The following STAG1 variants were observed in gnomAD, a reference collection of about 807,000 sequenced individuals.
STAG1 encodes STAG1 cohesin complex component.
STAG1 carries 26 observed loss-of-function variants against 170.9 expected under a neutral mutation model. The ratio of observed to expected loss-of-function variants is 0.15; its 90% CI spans 0.11 to 0.21. The LOEUF (loss-of-function observed/expected upper bound fraction) is 0.21. Among genes scored for constraint, STAG1 ranks in the 10% least tolerant of loss-of-function variants. The probability of loss-of-function intolerance (pLI) is 1.00; values close to 1 mark genes in which losing one functional copy is unlikely to be tolerated. For synonymous variants in STAG1, 514 were observed against 497.7 expected (o/e 1.03, Z -0.44); for missense variants, 964 against 1,509.5 (o/e 0.64, Z 5.99).
chr3:136,535,308 T>C (rs1199965206), intron 6 of STAG1, among the ~76,000 whole-genome samples: 1 of 152,218 alleles, frequency 6.6e-6, no homozygotes, highest in Non-Finnish European at 1.5e-5. Flanking sequence ...AAATAAGTTC[T>C]AATGTTCGAT....
chr3:136,736,435 C>T, intron 1 of STAG1: 1 of 1,202,682 alleles, frequency 8.3e-7, no homozygotes, highest in Admixed American at 1.7e-5. Context: ...AGAATGAGTC[C>T]TTCGAAGCAG....
At chr3:136,738,389 G>T (rs1934469036) in intron 1 of STAG1, among the ~76,000 whole-genome samples, 1 of 152,216 alleles carries the variant, frequency 6.6e-6, no homozygotes. Flanking sequence ...TACTTAGGAG[G>T]CTGACGAAGT....
At chr3:136,405,258 T>TTTTTTTTTTTTC (rs1560091864) in intron 21 of STAG1, among the ~76,000 whole-genome samples, 1 of 115,614 alleles carries the variant, frequency 8.6e-6, no homozygotes, top group African/African-American at 3.4e-5. Flanking sequence ...TTTTTTTTTT[T>TTTTTTTTTTTTC]TCAGACGAAG....
intron 26 of STAG1, among the ~76,000 whole-genome samples, chr3:136,360,216 G>A (rs1034710049): frequency 1.5e-4 from 23 of 152,242 alleles, no homozygotes; most frequent in Admixed American, 1.2e-3. Context: ...GTTATGAGGG[G>A]TGAACTGTCC....
chr3:136,444,018 T>C (rs901441040), intron 14 of STAG1, among the ~76,000 whole-genome samples: 2 of 152,046 alleles, frequency 1.3e-5, no homozygotes, highest in East Asian at 3.9e-4. Context: ...AAGGTCTTCA[T>C]CAAACACTTC....
intron 4 of STAG1, among the ~76,000 whole-genome samples, chr3:136,584,095 C>T (rs1424434422): frequency 3.3e-5 from 5 of 152,150 alleles, no homozygotes; most frequent in Non-Finnish European, 7.4e-5. Context: ...TTTAAATGAC[C>T]ATGTAATCTG....
intron 1 of STAG1, among the ~76,000 whole-genome samples, chr3:136,653,486 A>G (rs1038646761): frequency 1.3e-5 from 2 of 152,102 alleles, no homozygotes; most frequent in Admixed American, 6.6e-5. Context: ...ATTTTTTTCT[A>G]ATTTTTTAAC....
At position 136,376,983 on chromosome 3, in the gene STAG1, C is replaced by T. The variant is rs1172220096; in HGVS notation, c.2370+677G>A. Among the ~76,000 whole-genome samples, 10 of 151,278 alleles carry T rather than the reference C, an allele frequency of 6.6e-5. No homozygotes were observed. In the South Asian group the frequency reaches 1.3e-3, roughly 19 times the overall value. On this transcript the variant is annotated intron_variant, in intron 23 of 33. Coordinates refer to ENST00000383202, the MANE Select transcript of STAG1 (RefSeq NM_005862.3). ...TTTTTTTTTGTATTTTTAGTACAGA[C>T]GGGGTTGACAGTCTCGATCTCTTGA...
At chr3:136,587,168 T>TAA (rs758067073) in intron 4 of STAG1, among the ~76,000 whole-genome samples, 3 of 143,786 alleles carry the variant, frequency 2.1e-5, no homozygotes, top group African/African-American at 7.6e-5. Context: ...CTAATTATGT[T>TAA]AAAAAAAAAA....
intron 2 of STAG1, among the ~76,000 whole-genome samples, chr3:136,626,459 T>C (rs562421491): frequency 6.6e-6 from 1 of 150,468 alleles, no homozygotes; most frequent in Non-Finnish European, 1.5e-5. Context: ...CAAAAAACCA[T>C]ACAGTATATA....
At chr3:136,439,917 C>A (rs1174882736) in intron 15 of STAG1, among the ~76,000 whole-genome samples, 1 of 152,136 alleles carries the variant, frequency 6.6e-6, no homozygotes, top group Non-Finnish European at 1.5e-5. Context: ...CCAAGCCAAA[C>A]CAACCTTCTG....
chr3:136,663,553 T>C (rs1476242397), intron 1 of STAG1, among the ~76,000 whole-genome samples: 1 of 152,126 alleles, frequency 6.6e-6, no homozygotes, highest in East Asian at 1.9e-4. Flanking sequence ...AGCAATCATG[T>C]TTTCATCATT....
At chr3:136,733,375 C>T (rs1413864984) in intron 1 of STAG1, among the ~76,000 whole-genome samples, 1 of 152,042 alleles carries the variant, frequency 6.6e-6, no homozygotes, top group Non-Finnish European at 1.5e-5. Context: ...CATGAGCTAC[C>T]GTGCCTGGCC....
intron 9 of STAG1, among the ~76,000 whole-genome samples, chr3:136,497,099 T>A (rs1377878133): frequency 3.3e-5 from 5 of 151,856 alleles, no homozygotes; most frequent in Admixed American, 1.3e-4. Flanking sequence ...TGGAGAAAAT[T>A]CATACTTAAA....
At chr3:136,427,901 A>C (rs951081069) in intron 16 of STAG1, among the ~76,000 whole-genome samples, 1 of 152,210 alleles carries the variant, frequency 6.6e-6, no homozygotes, top group Non-Finnish European at 1.5e-5. Flanking sequence ...AAGCCAGCAA[A>C]GGATAGTTTG....
chr3:136,367,960 T>C (rs1004159609), intron 24 of STAG1, among the ~76,000 whole-genome samples: 1 of 152,204 alleles, frequency 6.6e-6, no homozygotes, highest in South Asian at 2.1e-4. Context: ...TCCCGTGTCC[T>C]GGCCTGTCCT....
intron 16 of STAG1, among the ~76,000 whole-genome samples, 200 bp from the exon 17 acceptor site, chr3:136,423,244 G>A (rs1194788634): frequency 3.9e-5 from 6 of 152,008 alleles, no homozygotes; most frequent in Admixed American, 2.0e-4. Context: ...AAGTCTGGGC[G>A]AATTACTATT....
intron 20 of STAG1, among the ~76,000 whole-genome samples, chr3:136,418,739 T>G (rs2087857398): frequency 1.3e-5 from 2 of 151,934 alleles, no homozygotes; most frequent in Admixed American, 1.3e-4. Flanking sequence ...CCTCCCGGGT[T>G]CAAGAGATTC....
At chr3:136,404,057 T>A (rs2087412700) in intron 21 of STAG1, among the ~76,000 whole-genome samples, 1 of 152,206 alleles carries the variant, frequency 6.6e-6, no homozygotes, top group African/African-American at 2.4e-5. Flanking sequence ...CATTTTGATA[T>A]TTTGTCCTCC....
Sources: allele counts gnomAD v4.1 joint callset (sites outside exome capture counted in the v4.1 genomes callset), GRCh38; gene constraint gnomAD v4.1.1; transcripts MANE v1.5; gene names NCBI Gene and HGNC (gene_info 2026-07-23, HGNC 2026-07-21).